The following UGT1A8 variants were observed in gnomAD, a reference collection of about 807,000 sequenced individuals.
The protein encoded by UGT1A8 is UDP glucuronosyltransferase family 1 member A8.
A neutral mutation model predicts 45.3 loss-of-function variants in UGT1A8; 39 were observed. The observed-to-expected ratio is 0.86, with a 90% CI of 0.67 to 1.12. UGT1A8 has a LOEUF of 1.12. Among genes scored for constraint, UGT1A8 ranks in the 50% most tolerant of loss-of-function variants. The pLI is 0.00. For synonymous variants in UGT1A8, 275 were observed against 249.2 expected (o/e 1.10, Z -0.97); for missense variants, 719 against 664.9 (o/e 1.08, Z -0.90).
chr2:233,707,313 A>C (rs1246275498), intron 1 of UGT1A8, among the ~76,000 whole-genome samples: 1 of 152,146 alleles, frequency 6.6e-6, no homozygotes, highest in African/African-American at 2.4e-5. Flanking sequence ...TTTGTTACAT[A>C]GCTAAACATG....
chr2:233,732,988 A>G (rs1229388151), intron 1 of UGT1A8, among the ~76,000 whole-genome samples: 2 of 152,034 alleles, frequency 1.3e-5, no homozygotes, highest in Non-Finnish European at 2.9e-5. Flanking sequence ...TATTTCGTTG[A>G]GCAGTGGTTT....
chr2:233,719,136 C>T (rs2076730014), intron 1 of UGT1A8: 26 of 1,614,246 alleles, frequency 1.6e-5, no homozygotes, highest in Non-Finnish European at 2.0e-5. Context: ...AACAGAACAT[C>T]TTCTGAAGAG....
At chr2:233,647,873 T>G (rs1173467079) in intron 1 of UGT1A8, 1 of 1,423,160 alleles carries the variant, frequency 7.0e-7, no homozygotes, top group East Asian at 2.3e-5. Context: ...TTCTATTTCC[T>G]ATTTCATTGA....
chr2:233,668,059 ATT>A, intron 1 of UGT1A8, among the ~76,000 whole-genome samples: 1 of 151,372 alleles, frequency 6.6e-6, no homozygotes, highest in East Asian at 1.9e-4. Flanking sequence ...TACTGTGCAC[ATT>A]TTTTTTTATT....
chr2:233,632,242 G>A (rs1266494753), intron 1 of UGT1A8, among the ~76,000 whole-genome samples: 1 of 152,166 alleles, frequency 6.6e-6, no homozygotes, highest in African/African-American at 2.4e-5. Context: ...CTGTAGCCTT[G>A]TAGTATAATT....
At chr2:233,761,742 A>T (rs1697852650) in intron 1 of UGT1A8, among the ~76,000 whole-genome samples, 2 of 152,204 alleles carry the variant, frequency 1.3e-5, no homozygotes, top group South Asian at 4.1e-4. Flanking sequence ...TCCCCTACAG[A>T]GTTTGAAGTA....
intron 1 of UGT1A8, among the ~76,000 whole-genome samples, chr2:233,689,656 TTCCTC>T (rs2074952512): frequency 6.6e-6 from 1 of 152,194 alleles, no homozygotes; most frequent in South Asian, 2.1e-4. Flanking sequence ...TGAGTGTGAC[TTCCTC>T]CAAGAACAAA....
intron 1 of UGT1A8, among the ~76,000 whole-genome samples, chr2:233,667,512 A>C (rs1353109684): frequency 1.3e-5 from 2 of 152,246 alleles, no homozygotes. Flanking sequence ...CAGTGGCAAC[A>C]AAAGCCAAAA....
chr2:233,632,211 A>C (rs1027468586), intron 1 of UGT1A8, among the ~76,000 whole-genome samples: 2 of 152,194 alleles, frequency 1.3e-5, no homozygotes, highest in Admixed American at 6.5e-5. Context: ...TTTGGGTACA[A>C]GTACCATGCT....
intron 1 of UGT1A8, among the ~76,000 whole-genome samples, chr2:233,626,933 A>T (rs1264183540): frequency 1.3e-5 from 2 of 152,074 alleles, no homozygotes; most frequent in African/African-American, 4.8e-5. Flanking sequence ...TGATGGAACC[A>T]ATCCAGAAAA....
chr2:233,671,188 G>C (rs1221801534), intron 1 of UGT1A8, among the ~76,000 whole-genome samples: 1 of 152,242 alleles, frequency 6.6e-6, no homozygotes, highest in Non-Finnish European at 1.5e-5. Context: ...GAATGTGCAA[G>C]TTGAGCGGTC....
chr2:233,659,025 C>T (rs28969995), intron 1 of UGT1A8, among the ~76,000 whole-genome samples: 1,732 of 152,256 alleles, frequency 0.011, 43 homozygotes, highest in African/African-American at 0.039. Flanking sequence ...AGTTACAGTT[C>T]AACTGGGGAG....
chr2:233,767,705 C>T, intron 2 of UGT1A8, 144 bp from the exon 3 acceptor site: 1 of 1,520,160 alleles, frequency 6.6e-7, no homozygotes, highest in Non-Finnish European at 8.8e-7. Context: ...TGCCAGTCCT[C>T]AGAAGCCTTC....
chr2:233,688,290 AT>A (rs1275876598), intron 1 of UGT1A8, among the ~76,000 whole-genome samples: 2 of 151,938 alleles, frequency 1.3e-5, no homozygotes, highest in East Asian at 1.9e-4. Context: ...GATTTACCGC[AT>A]TTTTTTTATC....
At chr2:233,755,280 C>A in intron 1 of UGT1A8, 2 of 709,720 alleles carry the variant, frequency 2.8e-6, no homozygotes, top group Non-Finnish European at 4.3e-6. Flanking sequence ...GCTGGACTGC[C>A]AAAGAGCCTG....
chr2:233,701,523 C>T (rs1205561473), intron 1 of UGT1A8, among the ~76,000 whole-genome samples: 2 of 152,142 alleles, frequency 1.3e-5, no homozygotes, highest in African/African-American at 4.8e-5. Context: ...CTCTCCACCC[C>T]AAATCAACAG....
At chr2:233,748,027 A>C in intron 1 of UGT1A8, 1 of 1,613,516 alleles carries the variant, frequency 6.2e-7, no homozygotes, top group Non-Finnish European at 8.5e-7. Flanking sequence ...ATCATGCCCA[A>C]CATGGTCTTC....
At chr2:233,713,978 A>G in intron 1 of UGT1A8, 1 of 1,594,024 alleles carries the variant, frequency 6.3e-7, no homozygotes, top group Non-Finnish European at 8.5e-7. Flanking sequence ...TCTGCTTCTC[A>G]TTGTTGTAAT....
chr2:233,626,846 C>A (rs1234625307), intron 1 of UGT1A8, among the ~76,000 whole-genome samples: 2 of 152,048 alleles, frequency 1.3e-5, no homozygotes, highest in Non-Finnish European at 2.9e-5. Context: ...GGGTGGCTAG[C>A]ATTGTCCAAT....
Sources: gnomAD v4.1 joint callset for allele counts (sites outside exome capture counted in the v4.1 genomes callset) on GRCh38, gnomAD v4.1.1 for gene constraint, MANE v1.5 for transcripts, NCBI Gene and HGNC (gene_info 2026-07-23, HGNC 2026-07-21) for gene names.